Variants in HIPK3 observed in about 807,000 individuals in gnomAD.
HIPK3 encodes the protein homeodomain interacting protein kinase 3.
A neutral mutation model predicts 124.2 loss-of-function variants in HIPK3; 47 were observed. That is an observed-to-expected ratio of 0.38 (90% CI 0.30 to 0.48). The LOEUF (loss-of-function observed/expected upper bound fraction) is 0.48, where lower values mean the gene tolerates loss of function less well. Ranked by LOEUF, HIPK3 falls within the 20% of genes least tolerant of loss-of-function variation. The pLI, the probability that HIPK3 is intolerant of heterozygous loss-of-function variation, is 0.98. For synonymous variants in HIPK3, 482 were observed against 515.2 expected, an observed-to-expected ratio of 0.94 and a Z score of 0.87; for missense variants, 1,286 against 1,454.3, an observed-to-expected ratio of 0.88 and a Z score of 1.88.
At chr11:33,270,491 A>T (rs1565054734) in intron 1 of HIPK3, among the ~76,000 whole-genome samples, 1 of 152,178 alleles carries the variant, frequency 6.6e-6, no homozygotes, top group African/African-American at 2.4e-5. Context: ...TTGAGAATGT[A>T]TGAAAACTTA....
chr11:33,288,177 G>A (rs1041131192), intron 2 of HIPK3, among the ~76,000 whole-genome samples: 1 of 152,192 alleles, frequency 6.6e-6, no homozygotes, highest in Non-Finnish European at 1.5e-5. Flanking sequence ...ATACAGCCGG[G>A]TGCAGTGGCT....
At chr11:33,352,938 T>TTC (rs1853709007) in intron 16 of HIPK3, among the ~76,000 whole-genome samples, 154 bp from the exon 17 acceptor site, 1 of 152,182 alleles carries the variant, frequency 6.6e-6, no homozygotes, top group Non-Finnish European at 1.5e-5. Context: ...ATTGATATTT[T>TTC]TCTCTCCTCT....
intron 2 of HIPK3, among the ~76,000 whole-genome samples, chr11:33,293,425 C>G (rs559266355): frequency 6.6e-6 from 1 of 152,256 alleles, no homozygotes; most frequent in Non-Finnish European, 1.5e-5. Context: ...GTTCCCCAGT[C>G]TGCCCATCAC....
chr11:33,339,604 A>G, intron 6 of HIPK3, 70 bp downstream of exon 6: 1 of 1,141,250 alleles, frequency 8.8e-7, no homozygotes, highest in Non-Finnish European at 1.2e-6. Flanking sequence ...ACTGCATCAG[A>G]GAAATTACTT....
intron 1 of HIPK3, among the ~76,000 whole-genome samples, chr11:33,281,376 A>G (rs1851409245): frequency 6.6e-6 from 1 of 152,100 alleles, no homozygotes; most frequent in Non-Finnish European, 1.5e-5. Context: ...TCTGTAAATA[A>G]CAGTTTATGA....
intron 2 of HIPK3, among the ~76,000 whole-genome samples, chr11:33,307,219 G>A (rs1852187241): frequency 6.6e-6 from 1 of 152,012 alleles, no homozygotes; most frequent in South Asian, 2.1e-4. Flanking sequence ...CATTACAGGT[G>A]TGAGCCACCA....
In HIPK3 at chr11:33,351,643, C is replaced by T. The variant is rs766801531; in HGVS notation, c.2843C>T (p.Thr948Met). 1.7e-5 allele frequency: 27 copies of T among 1,613,980 alleles called. No homozygotes were observed. The highest frequency in any genetic ancestry group is 1.6e-4 in the Middle Eastern group (1 of 6,080). Residue 948 changes from threonine to methionine, a missense_variant, in exon 15 of 17, where the codon ACG becomes ATG. Transcript: ENST00000303296. ...SDEEQESSCDTVDGSPTSDSS... is the reference protein window; with the variant it reads ...SDEEQESSCDMVDGSPTSDSS... ...GAAGAGCAAGAAAGTAGTTGTGATA[C>T]GGTGGATGGCTCTCCGACATCTGAC...
At position 33,354,934 on chromosome 11, in the gene HIPK3, C is replaced by T. The variant is rs1286751270; in HGVS notation, c.*1366C>T. On this transcript the variant is annotated 3_prime_UTR_variant, in exon 17 of 17. Coordinates refer to ENST00000303296, the MANE Select transcript of HIPK3 (RefSeq NM_005734.5). ...TTACAGCACCAAAGACTTAATCATCCATTTCCTATATAAAGGTAGCTACTT... is the reference window on the plus strand; with the variant it reads ...TTACAGCACCAAAGACTTAATCATCTATTTCCTATATAAAGGTAGCTACTT... 1 of 151,866 alleles carries T rather than the reference C, an allele frequency of 6.6e-6. No homozygotes were observed. Among genetic ancestry groups the T allele is most frequent in the Non-Finnish European group, 1.5e-5 (1 of 67,914 alleles). 9.4% of individuals were successfully genotyped at this position (151,866 alleles called of 1,614,324 possible).
chr11:33,313,361 A>G (rs1197880051), intron 2 of HIPK3, among the ~76,000 whole-genome samples: 1 of 152,194 alleles, frequency 6.6e-6, no homozygotes, highest in African/African-American at 2.4e-5. Context: ...ATTGAATTGT[A>G]ATATCATATT....
chr11:33,339,221 GT>G, intron 5 of HIPK3, 128 bp from the exon 6 acceptor site: 1 of 625,586 alleles, frequency 1.6e-6, no homozygotes. Context: ...GTTCTTCTTT[GT>G]TTTAAGATAA....
intron 2 of HIPK3, among the ~76,000 whole-genome samples, chr11:33,288,326 G>C (rs998800837): frequency 3.3e-5 from 5 of 152,018 alleles, no homozygotes; most frequent in African/African-American, 7.3e-5. Context: ...GTGGTGGTGG[G>C]TGTCTATAAT....
chr11:33,326,841 A>C (rs146187896), intron 2 of HIPK3, among the ~76,000 whole-genome samples: 1 of 151,964 alleles, frequency 6.6e-6, no homozygotes, highest in African/African-American at 2.4e-5. Context: ...TGGCTAATTA[A>C]AAAAAATTTT....
At chr11:33,292,795 G>A (rs760530652) in intron 2 of HIPK3, among the ~76,000 whole-genome samples, 1 of 152,094 alleles carries the variant, frequency 6.6e-6, no homozygotes, top group East Asian at 1.9e-4. Flanking sequence ...GAGTGCAGTG[G>A]CACAATCTCT....
intron 1 of HIPK3, among the ~76,000 whole-genome samples, chr11:33,284,767 G>A (rs1180130835): frequency 6.6e-6 from 1 of 152,200 alleles, no homozygotes; most frequent in Non-Finnish European, 1.5e-5. Context: ...TACCATTAGG[G>A]AAATTCCAAG....
At chr11:33,336,987 A>C in intron 3 of HIPK3, 88 bp from the exon 4 acceptor site, 1 of 900,732 alleles carries the variant, frequency 1.1e-6, no homozygotes, top group Non-Finnish European at 1.7e-6. Flanking sequence ...GTATTTTCAT[A>C]CCTGACCTAA....
At chr11:33,257,219 T>G (rs1389691483), upstream of HIPK3, 12 of 983,546 alleles carry the variant, frequency 1.2e-5, 1 homozygote, top group African/African-American at 1.1e-4. Flanking sequence ...GGCTGCGGAC[T>G]GGCGGGCGGA....
chr11:33,266,206 A>G (rs185679466), intron 1 of HIPK3, among the ~76,000 whole-genome samples: 2 of 152,040 alleles, frequency 1.3e-5, no homozygotes, highest in Admixed American at 6.6e-5. Flanking sequence ...TTAGCTGAAT[A>G]CTGTAAATTT....
At chr11:33,302,750 A>G (rs1001387344) in intron 2 of HIPK3, among the ~76,000 whole-genome samples, 36 of 152,244 alleles carry the variant, frequency 2.4e-4, no homozygotes, top group Non-Finnish European at 4.1e-4. Flanking sequence ...CGAGTGGACC[A>G]GGAGCTGTTA....
intron 2 of HIPK3, among the ~76,000 whole-genome samples, chr11:33,304,823 A>G (rs913787709): frequency 6.6e-6 from 1 of 152,158 alleles, no homozygotes; most frequent in Non-Finnish European, 1.5e-5. Context: ...AGGTCAAAGC[A>G]TATGTACCTT....
Sources: allele counts gnomAD v4.1 joint callset (sites outside exome capture counted in the v4.1 genomes callset), GRCh38; gene constraint gnomAD v4.1.1; transcripts MANE v1.5; gene names NCBI Gene and HGNC (gene_info 2026-07-23, HGNC 2026-07-21).